The following ZCCHC7 variants were observed in gnomAD, a reference collection of about 807,000 sequenced individuals.
ZCCHC7 encodes the protein zinc finger CCHC-type containing 7.
Under a neutral mutation model 52.0 loss-of-function variants are expected in ZCCHC7, and 35 were observed. That is an observed-to-expected ratio of 0.67 (90% CI 0.51 to 0.89). ZCCHC7 has a LOEUF of 0.89. Ranked by LOEUF, ZCCHC7 falls within the 40% of genes least tolerant of loss-of-function variation. The pLI is 0.00. For synonymous variants in ZCCHC7, 217 were observed against 221.5 expected (o/e 0.98, Z 0.18); for missense variants, 574 against 649.1 (o/e 0.88, Z 1.26).
At chr9:37,123,680 G>A (rs114192181) in intron 1 of ZCCHC7, among the ~76,000 whole-genome samples, 7,725 of 152,078 alleles carry the variant, frequency 0.051, 636 homozygotes, top group African/African-American at 0.17. Flanking sequence ...ATTATGTTTT[G>A]TCTTAAGTCC....
At chr9:37,300,654 C>T (rs953175745) in intron 2 of ZCCHC7, among the ~76,000 whole-genome samples, 14 of 152,312 alleles carry the variant, frequency 9.2e-5, no homozygotes, top group African/African-American at 3.4e-4. Context: ...CTTCATGTCT[C>T]TTCAAAAGCC....
At chr9:37,247,560 A>G (rs368023115) in intron 2 of ZCCHC7, among the ~76,000 whole-genome samples, 17 of 152,186 alleles carry the variant, frequency 1.1e-4, no homozygotes, top group African/African-American at 3.9e-4. Flanking sequence ...TATTTTCAGT[A>G]TAGCAGTTAA....
rs1422992691 is a variant in ZCCHC7 at position 37,354,954 on chromosome 9, T to C, written c.1198+130T>C. Reference sequence around the variant, plus strand: ...TATTTTTAGTAATTACCAAAGAGACTGGAACTTTCTTGATCTCCAGAAACC... The same window carrying C: ...TATTTTTAGTAATTACCAAAGAGACCGGAACTTTCTTGATCTCCAGAAACC... On this transcript the variant is annotated intron_variant, in intron 8 of 8. Transcript: ENST00000336755. The surrounding 1 kb of genome is among the most constrained non-coding windows in gnomAD (Gnocchi z 4.0). 1 of 577,072 alleles carries C rather than the reference T, an allele frequency of 1.7e-6. No homozygotes were observed. Among genetic ancestry groups the C allele is most frequent in the South Asian group, 2.5e-5 (1 of 40,236 alleles). 35.7% of individuals were successfully genotyped at this position (577,072 alleles called of 1,614,324 possible). A position where few individuals can be genotyped will look rare whatever the true frequency, so the allele number is the denominator to read the frequency against.
At chr9:37,348,347 G>T (rs60598985) in intron 6 of ZCCHC7, among the ~76,000 whole-genome samples, 5,175 of 135,414 alleles carry the variant, frequency 0.038, 382 homozygotes, top group African/African-American at 0.15. Flanking sequence ...ATACCAGTTC[G>T]TTCTTTCTTT....
In ZCCHC7 at chr9:37,206,836, T is replaced by C. The variant is rs1486569759; in HGVS notation, c.610+79894T>C. Among the ~76,000 whole-genome samples, 5 of 152,174 alleles carry C rather than the reference T, an allele frequency of 3.3e-5. No individual in the cohort carries two copies. The South Asian group carries it at 8.3e-4, about 25-fold the overall frequency. ...TGTAAGATTCAACTTACCTATTTCC[T>C]TTCTCTCCAGGATCACTATTCTGCC... On this transcript the variant is annotated intron_variant, in intron 2 of 8. Coordinates refer to ENST00000336755, the MANE Select transcript of ZCCHC7 (RefSeq NM_032226.3).
intron 2 of ZCCHC7, among the ~76,000 whole-genome samples, chr9:37,296,584 C>CTTA (rs1828791990): frequency 7.1e-6 from 1 of 141,326 alleles, no homozygotes; most frequent in Admixed American, 7.0e-5. Context: ...GCTATTGTTT[C>CTTA]TTTTTTTTTT....
intron 2 of ZCCHC7, among the ~76,000 whole-genome samples, chr9:37,188,647 C>T (rs1822817523): frequency 3.8e-5 from 1 of 26,294 alleles, no homozygotes; most frequent in Non-Finnish European, 7.7e-5. Context: ...CCTCCCCCTC[C>T]CCTTCCTCCC....
At position 37,126,480 on chromosome 9, in the gene ZCCHC7, A is replaced by G. The variant is rs778831587; in HGVS notation, c.148A>G (p.Arg50Gly). 6 of 1,613,640 alleles carry G rather than the reference A, an allele frequency of 3.7e-6. No homozygotes were observed. Among genetic ancestry groups the G allele is most frequent in the Non-Finnish European group, 5.1e-6 (6 of 1,180,032 alleles). Residue 50 changes from arginine to glycine, a missense_variant, in exon 2 of 9, where the codon AGG (arginine) becomes GGG (glycine). Around this residue, in one of 3 missense-constraint regions of ZCCHC7, gnomAD observed 403 missense variants for 461.2 expected, o/e 0.87. Coordinates refer to ENST00000336755, the MANE Select transcript of ZCCHC7 (RefSeq NM_032226.3). ...HYAQDLDDVI[R>G]EEEHEEKNSG... ...TGCCCAAGATCTTGATGATGTCATC[A>G]GGGAGGAAGAGCATGAAGAAAAGAA... is the stretch of plus-strand genomic sequence containing the variant.
chr9:37,217,965 T>C (rs892434443), intron 2 of ZCCHC7, among the ~76,000 whole-genome samples: 4 of 152,230 alleles, frequency 2.6e-5, no homozygotes, highest in African/African-American at 9.6e-5. Context: ...ATATATACTT[T>C]GGAAATTCTA....
At chr9:37,280,555 A>G (rs1827904807) in intron 2 of ZCCHC7, among the ~76,000 whole-genome samples, 1 of 152,190 alleles carries the variant, frequency 6.6e-6, no homozygotes, top group Admixed American at 6.5e-5. Context: ...ATTAGAAATC[A>G]ATAACAAAAA....
At chr9:37,195,032 C>T (rs1044352909) in intron 2 of ZCCHC7, among the ~76,000 whole-genome samples, 1 of 148,606 alleles carries the variant, frequency 6.7e-6, no homozygotes, top group Non-Finnish European at 1.5e-5. Context: ...CTGCAACCTC[C>T]ACCACCCGGG....
chr9:37,347,072 C>T (rs1399104967), intron 6 of ZCCHC7, among the ~76,000 whole-genome samples: 4 of 152,188 alleles, frequency 2.6e-5, no homozygotes, highest in South Asian at 4.1e-4. Context: ...AAGTGATCCA[C>T]GTTTAAGCCG....
At position 37,186,568 on chromosome 9, in the gene ZCCHC7, C is replaced by T. The variant is rs1002483113; in HGVS notation, c.610+59626C>T. ...TTTAATCTTTAGGGTGTTACAAACA[C>T]ATCAAGGACAGTTGGCAGTAACTGA... On this transcript the variant is annotated intron_variant, in intron 2 of 8. Coordinates refer to ENST00000336755, the MANE Select transcript of ZCCHC7 (RefSeq NM_032226.3). The T allele has an allele frequency of 1.6e-5, 6 of 385,546 alleles. No individual in the cohort carries two copies. In the South Asian group the frequency reaches 3.1e-4, roughly 20 times the overall value. 23.9% of individuals were successfully genotyped at this position (385,546 alleles called of 1,614,324 possible). A position where few individuals can be genotyped will look rare whatever the true frequency, so the allele number is the denominator to read the frequency against.
chr9:37,347,702 T>C (rs1564270642), intron 6 of ZCCHC7, among the ~76,000 whole-genome samples: 1 of 152,224 alleles, frequency 6.6e-6, no homozygotes, highest in Non-Finnish European at 1.5e-5. Context: ...CTTTGCTCTT[T>C]TTGTAGTTTT....
At chr9:37,309,015 T>G (rs1588649127) in intron 5 of ZCCHC7, among the ~76,000 whole-genome samples, 1 of 148,894 alleles carries the variant, frequency 6.7e-6, no homozygotes. Context: ...GGCAACATAG[T>G]GAGAGCCTAT....
At chr9:37,121,260 C>T (rs1159136339) in intron 1 of ZCCHC7, among the ~76,000 whole-genome samples, 1 of 152,172 alleles carries the variant, frequency 6.6e-6, no homozygotes, top group East Asian at 1.9e-4. Flanking sequence ...AGCCGTGGCT[C>T]CCCCACGGAT....
intron 5 of ZCCHC7, among the ~76,000 whole-genome samples, chr9:37,309,933 A>AG (rs1829515007): frequency 6.6e-6 from 1 of 152,136 alleles, no homozygotes; most frequent in African/African-American, 2.4e-5. Flanking sequence ...AAAAAAAAAA[A>AG]AAAATGAAAG....
At chr9:37,122,792 C>T (rs778539126) in intron 1 of ZCCHC7, among the ~76,000 whole-genome samples, 1 of 152,126 alleles carries the variant, frequency 6.6e-6, no homozygotes, top group African/African-American at 2.4e-5. Flanking sequence ...CAAAAATTAC[C>T]CAGGCGTGGT....
chr9:37,337,281 A>G (rs928308635), intron 6 of ZCCHC7, among the ~76,000 whole-genome samples: 1 of 151,836 alleles, frequency 6.6e-6, no homozygotes, highest in Non-Finnish European at 1.5e-5. Flanking sequence ...AGCCTCATAT[A>G]TGGTTTTTAA....
Sources: allele counts gnomAD v4.1 joint callset (sites outside exome capture counted in the v4.1 genomes callset), GRCh38; gene constraint gnomAD v4.1.1; regional missense constraint gnomAD v4.1.1; non-coding constraint Gnocchi (gnomAD v3.1); transcripts MANE v1.5; gene names NCBI Gene and HGNC (gene_info 2026-07-23, HGNC 2026-07-21).